TNFSF4: variants seen among roughly 807,000 people sequenced by gnomAD.
TNFSF4 encodes the protein TNF superfamily member 4, also known as tumor necrosis factor ligand superfamily member 4.
A neutral mutation model predicts 7.3 loss-of-function variants in TNFSF4; 4 were observed. The observed-to-expected ratio is 0.55, with a 90% CI of 0.27 to 1.25. The LOEUF is 1.25. TNFSF4 is among the 50% of genes most tolerant of loss of function. The pLI, the probability that TNFSF4 is intolerant of heterozygous loss-of-function variation, is 0.12. For synonymous variants in TNFSF4, 76 were observed against 83.7 expected (o/e 0.91, Z 0.50); for missense variants, 181 against 208.8 (o/e 0.87, Z 0.82).
chr1:173,209,070 T>G (rs954073248), upstream of TNFSF4, among the ~76,000 whole-genome samples: 4 of 152,210 alleles, frequency 2.6e-5, no homozygotes, highest in African/African-American at 9.7e-5. Flanking sequence ...CAGAGTCATC[T>G]CTACCCACAT....
chr1:173,430,013 A>G, the TNFSF4 span, among the ~76,000 whole-genome samples: 1 of 152,210 alleles, frequency 6.6e-6, no homozygotes, highest in Non-Finnish European at 1.5e-5. Context: ...CCTTTATCAC[A>G]GTCCTCAAGA....
At chr1:173,351,172 C>A in the TNFSF4 span, among the ~76,000 whole-genome samples, 1 of 152,216 alleles carries the variant, frequency 6.6e-6, no homozygotes, top group Non-Finnish European at 1.5e-5. Flanking sequence ...CTGAGCCTGC[C>A]AGTTACACTG....
chr1:173,377,550 C>T, the TNFSF4 span, among the ~76,000 whole-genome samples: 3 of 152,218 alleles, frequency 2.0e-5, no homozygotes, highest in Non-Finnish European at 2.9e-5. Context: ...CTGACCCTTG[C>T]GTCCTGGGTC....
the TNFSF4 span, among the ~76,000 whole-genome samples, chr1:173,408,051 C>G: frequency 6.6e-6 from 1 of 152,148 alleles, no homozygotes; most frequent in Non-Finnish European, 1.5e-5. Context: ...ACCATGCTGG[C>G]ACCCTCATCT....
chr1:173,407,961 G>C, the TNFSF4 span, among the ~76,000 whole-genome samples: 1 of 152,090 alleles, frequency 6.6e-6, no homozygotes, highest in South Asian at 2.1e-4. Flanking sequence ...TATAGAAGAG[G>C]CTCAGAGAAC....
At chr1:173,253,245 C>T in the TNFSF4 span, among the ~76,000 whole-genome samples, 1 of 152,146 alleles carries the variant, frequency 6.6e-6, no homozygotes, top group African/African-American at 2.4e-5. Flanking sequence ...CACAAGAGCT[C>T]AGCTCTAGTA....
the TNFSF4 span, among the ~76,000 whole-genome samples, chr1:173,260,249 T>C: frequency 6.6e-6 from 1 of 152,154 alleles, no homozygotes; most frequent in Non-Finnish European, 1.5e-5. Context: ...TGAAGCTTTG[T>C]AAGTGAAGGA....
At chr1:173,244,118 A>C in the TNFSF4 span, among the ~76,000 whole-genome samples, 1 of 152,220 alleles carries the variant, frequency 6.6e-6, no homozygotes, top group Admixed American at 6.5e-5. Context: ...ATAAACTCTG[A>C]AAACAATGCA....
chr1:173,244,341 G>T, the TNFSF4 span, among the ~76,000 whole-genome samples: 1 of 152,138 alleles, frequency 6.6e-6, no homozygotes, highest in Non-Finnish European at 1.5e-5. Context: ...AGCTAGAGAT[G>T]ACTATTAAAA....
chr1:173,186,463 C>G lies in TNFSF4; in HGVS notation c.*53G>C. 6.9e-7 allele frequency: 1 copy of G among 1,451,302 alleles called. No homozygotes were observed. Among genetic ancestry groups the G allele is most frequent in the Non-Finnish European group, 9.5e-7 (1 of 1,056,124 alleles). 89.9% of individuals were successfully genotyped at this position (1,451,302 alleles called of 1,614,324 possible). The stretch of plus-strand genomic sequence containing the variant: ...AATGAAGAATCCATGCCCTGTCCAC[C>G]CCCAGCTTGGTGTTCATGCTGGTGC... On this transcript the variant is annotated 3_prime_UTR_variant, in exon 3 of 3. Coordinates refer to ENST00000281834, the MANE Select transcript of TNFSF4 (RefSeq NM_003326.5).
the TNFSF4 span, among the ~76,000 whole-genome samples, chr1:173,391,232 C>T: frequency 6.6e-6 from 1 of 151,042 alleles, no homozygotes; most frequent in Non-Finnish European, 1.5e-5. Flanking sequence ...TGCAGCACCC[C>T]ACTTTATGGT....
the TNFSF4 span, among the ~76,000 whole-genome samples, chr1:173,346,660 A>G: frequency 6.6e-6 from 1 of 152,232 alleles, no homozygotes; most frequent in Admixed American, 6.5e-5. Flanking sequence ...TTAGTTTTCA[A>G]AAGAAAGGAT....
the TNFSF4 span, among the ~76,000 whole-genome samples, chr1:173,423,685 G>A: frequency 6.6e-6 from 1 of 152,184 alleles, no homozygotes; most frequent in African/African-American, 2.4e-5. Flanking sequence ...ACCGGTGATG[G>A]AGAAGTAACA....
rs572853704 is a variant in TNFSF4 at position 173,185,359 on chromosome 1, A to G, written c.*1157T>C. On this transcript the variant is annotated 3_prime_UTR_variant, in exon 3 of 3. Transcript: ENST00000281834. ...TTTCAACTAAACATAAGGGGATACT[A>G]TTCCATTGAAGCCCTGGCATAGGCT... 9 of 152,330 alleles carry G rather than the reference A, an allele frequency of 5.9e-5. No homozygotes were observed. The highest frequency in any genetic ancestry group is 1.9e-4 in the African/African-American group (8 of 41,570). The allele number at this position is 152,330 out of a possible 1,614,324, so 9.4% of individuals were successfully genotyped here. A position where few individuals can be genotyped will look rare whatever the true frequency, so the allele number is the denominator to read the frequency against.
the TNFSF4 span, among the ~76,000 whole-genome samples, chr1:173,375,615 G>C: frequency 6.6e-6 from 1 of 152,256 alleles, no homozygotes; most frequent in African/African-American, 2.4e-5. Flanking sequence ...GCACCAATCA[G>C]TGCTCTGTAA....
the TNFSF4 span, among the ~76,000 whole-genome samples, chr1:173,235,150 G>A: frequency 2.2e-4 from 34 of 152,086 alleles, no homozygotes; most frequent in Non-Finnish European, 3.8e-4. Flanking sequence ...TGAAAAATTC[G>A]AAAGACTGTT....
At chr1:173,340,760 T>C in the TNFSF4 span, among the ~76,000 whole-genome samples, 1 of 151,776 alleles carries the variant, frequency 6.6e-6, no homozygotes. Context: ...AGAGATAAAA[T>C]AGATGGGTAG....
the TNFSF4 span, among the ~76,000 whole-genome samples, chr1:173,301,618 A>G: frequency 2.0e-5 from 3 of 151,796 alleles, no homozygotes; most frequent in African/African-American, 4.8e-5. Flanking sequence ...ATATCTGTTG[A>G]ACACCATAGG....
the TNFSF4 span, among the ~76,000 whole-genome samples, chr1:173,316,441 CAG>C: frequency 6.6e-6 from 1 of 151,952 alleles, no homozygotes; most frequent in East Asian, 1.9e-4. Context: ...ACAGAATATA[CAG>C]AGATATTTCA....
Sources: allele counts gnomAD v4.1 joint callset (sites outside exome capture counted in the v4.1 genomes callset), GRCh38; gene constraint gnomAD v4.1.1; transcripts MANE v1.5; gene names NCBI Gene and HGNC (gene_info 2026-07-23, HGNC 2026-07-21).